Variants in ZNF208 observed in about 807,000 individuals in gnomAD.
ZNF208 encodes the protein zinc finger protein 95.
In ZNF208, 10 loss-of-function variants were observed where a neutral mutation model predicts 12.1. The ratio of observed to expected loss-of-function variants is 0.83; its 90% CI spans 0.51 to 1.40. The LOEUF is 1.40. ZNF208 is among the 40% of genes most tolerant of loss of function. ZNF208 has a pLI of 0.00. For missense variants in ZNF208, 1,652 were observed against 1,485.0 expected, an observed-to-expected ratio of 1.11 and a Z score of -1.85; for synonymous variants, 497 against 488.4, an observed-to-expected ratio of 1.02 and a Z score of -0.23.
rs1318502801 is a variant in ZNF208, at chr19:21,971,110, G to A, written c.*81C>T. 11 of 1,612,836 alleles carry A rather than the reference G, an allele frequency of 6.8e-6. No individual in the cohort carries two copies. The highest frequency in any genetic ancestry group is 7.6e-6 in the Non-Finnish European group (9 of 1,179,640). On this transcript the variant is annotated 3_prime_UTR_variant, in exon 4 of 4. Transcript: ENST00000397126. ...CCTCACCACATTCTTCACATTTGTA[G>A]GGTTTCTCTCCAGTATGAATTTTCT...
intron 1 of ZNF208, among the ~76,000 whole-genome samples, chr19:21,996,490 G>GT (rs1970837905): frequency 6.6e-6 from 1 of 152,066 alleles, no homozygotes; most frequent in African/African-American, 2.4e-5. Flanking sequence ...GGAGAAAAAC[G>GT]TAATTGTGCT....
intron 2 of ZNF208, 94 bp from the exon 3 acceptor site, chr19:21,987,405 T>A: frequency 8.2e-7 from 1 of 1,216,116 alleles, no homozygotes. Context: ...AATAGAATAT[T>A]CTAATAGATT....
Position 21,971,728 on chromosome 19 carries a change from T to G in ZNF208, c.3306A>C (p.Glu1102Asp). 3.7e-6 allele frequency: 6 copies of G among 1,613,716 alleles called. No individual in the cohort carries two copies. Among genetic ancestry groups the G allele is most frequent in the Non-Finnish European group, 5.1e-6 (6 of 1,179,802 alleles). ...KAFNWSSNLM[E>D]HKRIHTGEKP... ...TCTCTCCAGTATGAATTCTCTTATG[T>G]TCCATAAGGTTTGAGGACCAGTTGA... Residue 1102 changes from glutamate (E) to aspartate (D), a missense_variant, in exon 4 of 4, where the codon GAA becomes GAC. Glu to Asp is a conservative substitution (Grantham distance 45). This residue lies in a region of ZNF208 where 1,239 missense variants were observed against 1,086.2 expected (regional missense o/e 1.14). Coordinates refer to ENST00000397126, the MANE Select transcript of ZNF208 (RefSeq NM_007153.3).
Position 21,972,763 on chromosome 19 carries a change from G to T in ZNF208, c.2271C>A (p.Ala757=), listed in dbSNP as rs1176300143. Residue 757 remains alanine (A), a synonymous_variant, in exon 4 of 4, where the codon GCC becomes GCA. Coordinates refer to ENST00000397126, the MANE Select transcript of ZNF208 (RefSeq NM_007153.3). Reference sequence around the variant, plus strand: ...AACTAAGGGTTGAGGACCACTTATAGGCTTTGCCACATTCTTCACATTTGT... The same window carrying T: ...AACTAAGGGTTGAGGACCACTTATATGCTTTGCCACATTCTTCACATTTGT... ...KPYKCEECGK[A]YKWSSTLSYH... is the part of the protein sequence containing the mutation. 5 of 1,610,144 alleles carry T rather than the reference G, an allele frequency of 3.1e-6. No individual in the cohort carries two copies. Among genetic ancestry groups the T allele is most frequent in the Non-Finnish European group, 4.2e-6 (5 of 1,179,324 alleles).
At position 21,970,289 on chromosome 19, in the gene ZNF208, G is replaced by A. The variant is rs1970254872; in HGVS notation, c.*902C>T. 6.6e-6 allele frequency among the ~76,000 whole-genome samples: 1 copy of A among 151,906 alleles called. No homozygotes were observed. Among genetic ancestry groups the A allele is most frequent in the Non-Finnish European group, 1.5e-5 (1 of 67,950 alleles). On this transcript the variant is annotated 3_prime_UTR_variant, in exon 4 of 4. Transcript: ENST00000397126. ...CATGCATGGTTTCTCTCCAGTATGA[G>A]TTGTCTTATATGTAGTAAGCCTTAA...
chr19:21,940,437 C>A (rs542479882), intron 4 of ZNF208: 1 of 151,988 alleles, frequency 6.6e-6, no homozygotes, highest in South Asian at 2.1e-4. Flanking sequence ...AAGTTTGTGA[C>A]CATTAAAAAA....
intron 3 of ZNF208, among the ~76,000 whole-genome samples, chr19:21,976,202 A>G (rs994717063): frequency 6.6e-6 from 1 of 152,220 alleles, no homozygotes; most frequent in Non-Finnish European, 1.5e-5. Context: ...ACATAAATCA[A>G]TAAACTTAGC....
At chr19:21,965,491 C>T (rs1249422885), downstream of ZNF208, among the ~76,000 whole-genome samples, 1 of 152,036 alleles carries the variant, frequency 6.6e-6, no homozygotes, top group Non-Finnish European at 1.5e-5. Context: ...AAATTCATGG[C>T]ATCTTTTGTT....
intron 4 of ZNF208, among the ~76,000 whole-genome samples, chr19:21,942,347 A>G (rs1969754347): frequency 6.6e-6 from 1 of 152,132 alleles, no homozygotes; most frequent in Admixed American, 6.5e-5. Context: ...TGGTGTTTCT[A>G]AATACCCAGA....
chr19:21,987,020 G>A (rs1430265042), intron 3 of ZNF208, 196 bp downstream of exon 3: 4 of 537,802 alleles, frequency 7.4e-6, no homozygotes, highest in Non-Finnish European at 1.3e-5. Flanking sequence ...TGAAGGGAAA[G>A]AAGAATTCTT....
Position 21,971,825 on chromosome 19 carries a change from G to A in ZNF208, c.3209C>T (p.Ser1070Leu). ...AGTTGCCTTATGTTCAGTAAGTCTT[G>A]AGGGCCAGCTGAAGGCTTTGCCACA... Reference protein sequence around the residue: ...EECGKAFSWPSRLTEHKATHA... With the variant: ...EECGKAFSWPLRLTEHKATHA... Residue 1070 changes from serine (S) to leucine (L), a missense_variant, in exon 4 of 4, where the codon TCA becomes TTA. Ser to Leu is a moderately radical substitution (Grantham distance 145). Transcript: ENST00000397126. 6.2e-7 allele frequency: 1 copy of A among 1,613,722 alleles called. No individual in the cohort carries two copies. Among genetic ancestry groups the A allele is most frequent in the Non-Finnish European group, 8.5e-7 (1 of 1,179,848 alleles).
chr19:21,983,673 T>TA (rs1032159097), intron 3 of ZNF208, among the ~76,000 whole-genome samples: 28 of 150,726 alleles, frequency 1.9e-4, no homozygotes, highest in Admixed American at 4.0e-4. Context: ...TAGGCAGCCA[T>TA]AAAAAAAAAT....
At chr19:21,986,520 A>G (rs1264220963) in intron 3 of ZNF208, among the ~76,000 whole-genome samples, 9 of 152,154 alleles carry the variant, frequency 5.9e-5, no homozygotes, top group Admixed American at 1.3e-4. Context: ...ATAAATTCAA[A>G]TACATTTTAT....
At position 21,973,404 on chromosome 19, in the gene ZNF208, T is replaced by C; in HGVS notation, c.1630A>G (p.Lys544Glu). The C allele has an allele frequency of 6.2e-7, 1 of 1,611,916 alleles. No homozygotes were observed. The highest frequency in any genetic ancestry group is 2.2e-5 in the East Asian group (1 of 44,742). The change falls in exon 4 of 4, where the codon AAG (lysine) becomes GAG (glutamate). Residue 544 changes from lysine (K) to glutamate (E), a missense_variant. Lys to Glu is a moderately conservative substitution (Grantham distance 56). Transcript: ENST00000397126. ...FSTFSILTKHKVIHTGEKPYK... is the reference protein window; with the variant it reads ...FSTFSILTKHEVIHTGEKPYK... ...GGTTTCTCTCCAGTATGAATTACCT[T>C]ATGTTTAGTAAGGATTGAGAATGTA...
intron 4 of ZNF208, among the ~76,000 whole-genome samples, chr19:21,947,959 A>C (rs888275224): frequency 6.6e-6 from 1 of 152,134 alleles, no homozygotes; most frequent in African/African-American, 2.4e-5. Flanking sequence ...GTGTCCTGCC[A>C]ACGAGCTCCT....
At chr19:21,989,301 T>C (rs1193398235) in intron 1 of ZNF208, among the ~76,000 whole-genome samples, 2 of 139,848 alleles carry the variant, frequency 1.4e-5, no homozygotes, top group African/African-American at 2.7e-5. Flanking sequence ...TGTGTTCTCA[T>C]TGTTCAATTC....
At chr19:21,994,535 G>T (rs950067059) in intron 1 of ZNF208, among the ~76,000 whole-genome samples, 1 of 152,056 alleles carries the variant, frequency 6.6e-6, no homozygotes, top group Non-Finnish European at 1.5e-5. Context: ...TATGCCACTG[G>T]GGGGTACTGT....
At chr19:21,948,830 G>A (rs1969851971) in intron 4 of ZNF208, among the ~76,000 whole-genome samples, 1 of 152,082 alleles carries the variant, frequency 6.6e-6, no homozygotes, top group Non-Finnish European at 1.5e-5. Flanking sequence ...CCTAGAGCCA[G>A]TCAGAAAAGA....
chr19:22,007,269 C>T (rs1384169522), intron 1 of ZNF208, among the ~76,000 whole-genome samples: 2 of 151,992 alleles, frequency 1.3e-5, no homozygotes, highest in African/African-American at 4.8e-5. Flanking sequence ...CCTGTAATCC[C>T]AGCACTTTAG....
Sources: allele counts gnomAD v4.1 joint callset (sites outside exome capture counted in the v4.1 genomes callset), GRCh38; gene constraint gnomAD v4.1.1; regional missense constraint gnomAD v4.1.1; transcripts MANE v1.5; gene names NCBI Gene and HGNC (gene_info 2026-07-23, HGNC 2026-07-21).